The following SENP7 variants were observed in gnomAD, a reference collection of about 807,000 sequenced individuals.
The protein encoded by SENP7 is SUMO specific peptidase 7.
A neutral mutation model predicts 141.2 loss-of-function variants in SENP7; 64 were observed. That is an observed-to-expected ratio of 0.45 (90% confidence interval 0.37 to 0.56). The LOEUF (loss-of-function observed/expected upper bound fraction) is 0.56. Among genes scored for constraint, SENP7 ranks in the 20% least tolerant of loss-of-function variants. SENP7 has a pLI of 0.00. For synonymous variants in SENP7, 382 were observed against 426.4 expected (o/e 0.90, Z 1.28); for missense variants, 1,025 against 1,212.2 (o/e 0.85, Z 2.29).
intron 4 of SENP7, among the ~76,000 whole-genome samples, chr3:101,451,588 A>T (rs2063138231): frequency 6.6e-6 from 1 of 152,234 alleles, no homozygotes; most frequent in Admixed American, 6.5e-5. Context: ...GTAATCCAGC[A>T]TATAAACAGA....
rs749674750 is a variant in SENP7 at position 101,364,873 on chromosome 3, T to C, written c.1437A>G (p.Ala479=). The C allele has an allele frequency of 9.4e-6, 15 of 1,602,060 alleles. No homozygotes were observed. Among genetic ancestry groups the C allele is most frequent in the Admixed American group, 5.1e-5 (3 of 58,438 alleles). The change falls in exon 10 of 24, where the codon GCA becomes GCG. Residue 479 remains alanine, a synonymous_variant. Transcript: ENST00000394095. ...TNENESTSES[A]LLELPLITCE... Reference sequence around the variant, plus strand: ...ATGTAATCAATGGTAGTTCTAACAATGCTGATTCAGAAGTACTCTCATTTT... The same window carrying C: ...ATGTAATCAATGGTAGTTCTAACAACGCTGATTCAGAAGTACTCTCATTTT...
At chr3:101,408,391 T>A (rs1310727717) in intron 5 of SENP7, among the ~76,000 whole-genome samples, 1 of 152,130 alleles carries the variant, frequency 6.6e-6, no homozygotes, top group African/African-American at 2.4e-5. Flanking sequence ...TTGACACTAT[T>A]CGACAAGATA....
At chr3:101,437,170 A>G (rs2062422122) in intron 4 of SENP7, among the ~76,000 whole-genome samples, 1 of 152,222 alleles carries the variant, frequency 6.6e-6, no homozygotes, top group Non-Finnish European at 1.5e-5. Context: ...TAAAAATCAA[A>G]ACAATTGAAT....
intron 4 of SENP7, among the ~76,000 whole-genome samples, chr3:101,419,274 G>A (rs113497297): frequency 0.011 from 1,605 of 152,300 alleles, 22 homozygotes; most frequent in African/African-American, 0.036. Flanking sequence ...ATGTGTCTAA[G>A]AATGGGCAGT....
intron 4 of SENP7, among the ~76,000 whole-genome samples, chr3:101,450,219 T>A (rs1229850008): frequency 6.6e-6 from 1 of 152,162 alleles, no homozygotes; most frequent in Non-Finnish European, 1.5e-5. Flanking sequence ...AAGCAAGTCC[T>A]TAGAGACCTA....
intron 3 of SENP7, among the ~76,000 whole-genome samples, chr3:101,484,918 G>A (rs1196221383): frequency 2.0e-5 from 3 of 152,090 alleles, no homozygotes; most frequent in African/African-American, 7.2e-5. Context: ...CTGTTGAGGG[G>A]AGCACAGTGG....
intron 20 of SENP7, among the ~76,000 whole-genome samples, chr3:101,329,079 C>A (rs907003924): frequency 1.3e-4 from 20 of 152,106 alleles, no homozygotes; most frequent in African/African-American, 4.6e-4. Context: ...GAACCTTAAT[C>A]TATATTAAGG....
chr3:101,494,794 T>A (rs1029904338), intron 2 of SENP7, among the ~76,000 whole-genome samples: 9 of 152,002 alleles, frequency 5.9e-5, no homozygotes, highest in African/African-American at 1.7e-4. Flanking sequence ...AAAAATTAAT[T>A]CAAGATGGAT....
chr3:101,453,529 T>C (rs2063229915), intron 4 of SENP7, among the ~76,000 whole-genome samples: 1 of 152,190 alleles, frequency 6.6e-6, no homozygotes, highest in Admixed American at 6.5e-5. Context: ...TGGAATACTA[T>C]GCAGCCATAA....
intron 5 of SENP7, among the ~76,000 whole-genome samples, chr3:101,416,398 T>C (rs2061623737): frequency 6.6e-6 from 1 of 152,200 alleles, no homozygotes; most frequent in South Asian, 2.1e-4. Context: ...ATGAGTTTGT[T>C]GTCATTTGAA....
intron 6 of SENP7, among the ~76,000 whole-genome samples, chr3:101,389,335 T>C (rs1253588972): frequency 1.3e-5 from 2 of 152,058 alleles, no homozygotes; most frequent in African/African-American, 4.8e-5. Context: ...TACAAAGGTC[T>C]TCTCCGCAGC....
At chr3:101,398,741 A>C in intron 6 of SENP7, 120 bp downstream of exon 6, 1 of 715,232 alleles carries the variant, frequency 1.4e-6, no homozygotes, top group Non-Finnish European at 2.1e-6. Context: ...GAGAAAAATA[A>C]TACCAGCTAT....
chr3:101,512,789 G>T (rs1411740174), intron 1 of SENP7, among the ~76,000 whole-genome samples: 2 of 152,224 alleles, frequency 1.3e-5, no homozygotes, highest in Non-Finnish European at 2.9e-5. Context: ...GGCAGAGAGT[G>T]ACAAGCCAAC....
chr3:101,431,995 C>G (rs776169685), intron 4 of SENP7, among the ~76,000 whole-genome samples: 2 of 152,176 alleles, frequency 1.3e-5, no homozygotes, highest in Non-Finnish European at 2.9e-5. Context: ...CTTGGGGTCC[C>G]TAATTCCAGG....
intron 3 of SENP7, among the ~76,000 whole-genome samples, chr3:101,483,788 G>A (rs745703827): frequency 3.9e-5 from 6 of 152,150 alleles, no homozygotes; most frequent in South Asian, 2.1e-4. Flanking sequence ...TTGGGAGGCC[G>A]AGGCTGGCTG....
chr3:101,435,618 G>A (rs968921123), intron 4 of SENP7, among the ~76,000 whole-genome samples: 1 of 151,870 alleles, frequency 6.6e-6, no homozygotes, highest in Non-Finnish European at 1.5e-5. Context: ...ACAAAAGTCA[G>A]CAGCATTTCT....
intron 3 of SENP7, among the ~76,000 whole-genome samples, chr3:101,465,319 C>G (rs1209103995): frequency 1.3e-5 from 2 of 152,184 alleles, no homozygotes; most frequent in Admixed American, 1.3e-4. Context: ...CTGCCATTGC[C>G]TACACAAATC....
chr3:101,435,019 C>T (rs1230634355), intron 4 of SENP7, among the ~76,000 whole-genome samples: 3 of 152,116 alleles, frequency 2.0e-5, no homozygotes, highest in African/African-American at 7.2e-5. Context: ...CAAAAATCCT[C>T]AACAAAATAC....
At chr3:101,337,100 G>A (rs974235607) in intron 17 of SENP7, 1 of 152,846 alleles carries the variant, frequency 6.5e-6, no homozygotes, top group Admixed American at 6.5e-5. Flanking sequence ...CTGTAGGGTA[G>A]AGGGCAAAGA....
Sources: gnomAD v4.1 joint callset for allele counts (sites outside exome capture counted in the v4.1 genomes callset) on GRCh38, gnomAD v4.1.1 for gene constraint, MANE v1.5 for transcripts, NCBI Gene and HGNC (gene_info 2026-07-23, HGNC 2026-07-21) for gene names.